PIERCE1: variants seen among roughly 807,000 people sequenced by gnomAD.
The protein encoded by PIERCE1 is piercer of microtubule wall 1 protein.
chr9:135,496,726 G>T, the PIERCE1 span, among the ~76,000 whole-genome samples: 3 of 151,894 alleles, frequency 2.0e-5, no homozygotes, highest in East Asian at 3.9e-4. Flanking sequence ...ACATTCTATG[G>T]GTGGGACAAA....
the PIERCE1 span, chr9:135,498,464 C>T: frequency 8.9e-6 from 7 of 787,782 alleles, no homozygotes; most frequent in African/African-American, 1.7e-5. The surrounding 1 kb of genome is among the most constrained non-coding windows in gnomAD (Gnocchi z 4.1). Flanking sequence ...GAACTTTGGC[C>T]TCCTCCCTGG....
At chr9:135,498,817 G>A in the PIERCE1 span, 1 of 681,136 alleles carries the variant, frequency 1.5e-6, no homozygotes, top group Non-Finnish European at 2.6e-6. This position sits in a 1 kb window ranked among gnomAD's most constrained non-coding sequence, Gnocchi z 4.1. Flanking sequence ...CAGCCTCTGG[G>A]AGTACCTGGC....
At chr9:135,495,981 C>T in the PIERCE1 span, among the ~76,000 whole-genome samples, 2 of 152,214 alleles carry the variant, frequency 1.3e-5, no homozygotes, top group Middle Eastern at 3.2e-3. Context: ...TCAGTTTTCT[C>T]TTCTATGGAA....
the PIERCE1 span, chr9:135,498,862 C>T: frequency 1.7e-6 from 1 of 588,820 alleles, no homozygotes; most frequent in Non-Finnish European, 3.1e-6. The surrounding 1 kb of genome is among the most constrained non-coding windows in gnomAD (Gnocchi z 4.1). Flanking sequence ...CCTCCCCGGC[C>T]CCCTCTGCTT....
At chr9:135,495,504 C>A in the PIERCE1 span, 1 of 1,614,042 alleles carries the variant, frequency 6.2e-7, no homozygotes, top group Non-Finnish European at 8.5e-7. Context: ...ATGCAGTTAT[C>A]GGGGCCAGTC....
the PIERCE1 span, chr9:135,499,600 C>T: frequency 2.1e-6 from 3 of 1,426,648 alleles, no homozygotes; most frequent in South Asian, 2.5e-5. Flanking sequence ...GATGACCACT[C>T]GATCTTCTTG....
At chr9:135,499,661 G>T in the PIERCE1 span, 1 of 1,596,768 alleles carries the variant, frequency 6.3e-7, no homozygotes, top group Non-Finnish European at 8.5e-7. Context: ...CACACACGGG[G>T]CTATCGAGCA....
At chr9:135,499,067 G>A in the PIERCE1 span, 1 of 268,230 alleles carries the variant, frequency 3.7e-6, no homozygotes, top group Non-Finnish European at 7.3e-6. Flanking sequence ...CACCCTCACT[G>A]AGGCTATGCT....
At chr9:135,498,521 T>A in the PIERCE1 span, 1 of 1,458,696 alleles carries the variant, frequency 6.9e-7, no homozygotes, top group Non-Finnish European at 9.6e-7. The surrounding 1 kb of genome is among the most constrained non-coding windows in gnomAD (Gnocchi z 4.1). Flanking sequence ...AACCCCAGGT[T>A]TTTAGCCTCT....
the PIERCE1 span, chr9:135,495,388 C>G: frequency 1.1e-3 from 1,791 of 1,562,448 alleles, 10 homozygotes; most frequent in Middle Eastern, 0.03. Context: ...TCCAGGAGGC[C>G]CTGGGGTCAG....
chr9:135,496,230 T>C, the PIERCE1 span, among the ~76,000 whole-genome samples: 4 of 152,192 alleles, frequency 2.6e-5, no homozygotes, highest in African/African-American at 9.7e-5. Context: ...GGCAGGAGAA[T>C]TGCTTGAACC....
At chr9:135,499,166 ATC>A in the PIERCE1 span, 1 of 321,948 alleles carries the variant, frequency 3.1e-6, no homozygotes, top group Admixed American at 4.6e-5. Flanking sequence ...ATACTCCTAG[ATC>A]TTGGCCAAGT....
chr9:135,499,828 C>G, the PIERCE1 span: 1 of 1,594,216 alleles, frequency 6.3e-7, no homozygotes, highest in Non-Finnish European at 8.5e-7. Flanking sequence ...GCTCCGCGCA[C>G]GCTCTGGGGC....
the PIERCE1 span, chr9:135,499,314 T>C: frequency 2.3e-6 from 1 of 425,792 alleles, no homozygotes; most frequent in Non-Finnish European, 4.6e-6. Flanking sequence ...ATTGAGTTTC[T>C]TACTACTTCT....
At chr9:135,497,840 A>T in the PIERCE1 span, among the ~76,000 whole-genome samples, 20 of 152,346 alleles carry the variant, frequency 1.3e-4, no homozygotes, top group African/African-American at 4.8e-4. Context: ...TCTTCTCACA[A>T]GGGCTCAGTC....
At chr9:135,495,447 T>C in the PIERCE1 span, 2 of 1,613,878 alleles carry the variant, frequency 1.2e-6, no homozygotes, top group South Asian at 1.1e-5. Flanking sequence ...ATGGATGGCC[T>C]GTTGATGTTG....
chr9:135,497,399 T>C, the PIERCE1 span, among the ~76,000 whole-genome samples: 3 of 113,112 alleles, frequency 2.7e-5, no homozygotes, highest in Non-Finnish European at 3.6e-5. Flanking sequence ...GGTTTTTTTT[T>C]CTTTTTTTTT....
the PIERCE1 span, among the ~76,000 whole-genome samples, chr9:135,496,635 C>T: frequency 6.6e-6 from 1 of 152,184 alleles, no homozygotes; most frequent in African/African-American, 2.4e-5. Flanking sequence ...CACAGTTCCC[C>T]CTGTCCTTAG....
the PIERCE1 span, chr9:135,498,683 C>G: frequency 7.9e-4 from 1,264 of 1,603,624 alleles, 5 homozygotes; most frequent in African/African-American, 0.014. This position sits in a 1 kb window ranked among gnomAD's most constrained non-coding sequence, Gnocchi z 4.1. Context: ...GAGAAACACT[C>G]TATTTTCATT....
Sources: allele counts gnomAD v4.1 joint callset (sites outside exome capture counted in the v4.1 genomes callset), GRCh38; gene constraint gnomAD v4.1.1; non-coding constraint Gnocchi (gnomAD v3.1); transcripts MANE v1.5; gene names NCBI Gene and HGNC (gene_info 2026-07-23, HGNC 2026-07-21).